The following GRHL2 variants were observed in gnomAD, a reference collection of about 807,000 sequenced individuals.
GRHL2 encodes the protein grainyhead like transcription factor 2, also known as grainyhead-like protein 2 homolog.
Under a neutral mutation model 83.8 loss-of-function variants are expected in GRHL2, and 21 were observed. That is an observed-to-expected ratio of 0.25 (90% confidence interval 0.18 to 0.36). The LOEUF (loss-of-function observed/expected upper bound fraction) is 0.36. Ranked by LOEUF, GRHL2 falls within the 10% of genes least tolerant of loss-of-function variation. GRHL2 has a pLI of 1.00. For missense variants in GRHL2, 623 were observed against 781.8 expected, an observed-to-expected ratio of 0.80 and a Z score of 2.42; for synonymous variants, 280 against 278.9, an observed-to-expected ratio of 1.00 and a Z score of -0.04.
intron 1 of GRHL2, among the ~76,000 whole-genome samples, chr8:101,493,165 G>A (rs1040448027): frequency 6.6e-6 from 1 of 152,168 alleles, no homozygotes; most frequent in African/African-American, 2.4e-5. Context: ...CCGATCTGGC[G>A]TTTAGGGCCA....
chr8:101,528,892 C>A (rs531340417), intron 1 of GRHL2: 2 of 326,892 alleles, frequency 6.1e-6, no homozygotes, highest in Non-Finnish European at 6.0e-6. Context: ...AGATGACAGA[C>A]CTTTTGTTGA....
chr8:101,615,522 A>G (rs1277558150), intron 8 of GRHL2, among the ~76,000 whole-genome samples: 4 of 152,172 alleles, frequency 2.6e-5, no homozygotes, highest in Non-Finnish European at 5.9e-5. Flanking sequence ...AGTCTGCGTT[A>G]AGACTCCTGT....
At chr8:101,655,167 A>G (rs1813758339) in intron 14 of GRHL2, among the ~76,000 whole-genome samples, 1 of 141,680 alleles carries the variant, frequency 7.1e-6, no homozygotes, top group South Asian at 2.3e-4. Flanking sequence ...GGGCAACAAG[A>G]GCGAAACTCC....
intron 7 of GRHL2, among the ~76,000 whole-genome samples, chr8:101,590,265 T>A (rs931109729): frequency 6.6e-6 from 1 of 152,158 alleles, no homozygotes; most frequent in African/African-American, 2.4e-5. Context: ...CATAAGTGAG[T>A]TCTTGTGAGT....
At chr8:101,579,659 A>G (rs1046042679) in intron 7 of GRHL2, among the ~76,000 whole-genome samples, 3 of 152,254 alleles carry the variant, frequency 2.0e-5, no homozygotes, top group Non-Finnish European at 4.4e-5. Flanking sequence ...AAAATCTCAT[A>G]CAATTCATTC....
intron 8 of GRHL2, among the ~76,000 whole-genome samples, chr8:101,614,647 A>G (rs1213843306): frequency 6.6e-6 from 1 of 152,158 alleles, no homozygotes; most frequent in Non-Finnish European, 1.5e-5. Context: ...ATTTACAAAC[A>G]AGTGCTTTGT....
At chr8:101,606,651 G>A (rs1812639751) in intron 8 of GRHL2, among the ~76,000 whole-genome samples, 1 of 152,222 alleles carries the variant, frequency 6.6e-6, no homozygotes, top group African/African-American at 2.4e-5. Flanking sequence ...CCTGGGTCAT[G>A]GTGACTGCAG....
At chr8:101,673,353 G>A (rs1247917853), downstream of GRHL2, among the ~76,000 whole-genome samples, 2 of 151,990 alleles carry the variant, frequency 1.3e-5, no homozygotes, top group East Asian at 3.9e-4. Flanking sequence ...AGGGATGGAG[G>A]AAGATCTACC....
intron 2 of GRHL2, among the ~76,000 whole-genome samples, chr8:101,551,270 A>T (rs1192597536): frequency 6.6e-6 from 1 of 152,232 alleles, no homozygotes; most frequent in Admixed American, 6.5e-5. Context: ...GTGCTTAGAA[A>T]ATTAAATTAA....
Position 101,649,432 on chromosome 8 carries a change from A to G in GRHL2, c.1631A>G (p.Lys544Arg), listed in dbSNP as rs766851451. ...GTKRVLLYVR[K>R]ETDDVFDALM... ...CTTCCAGTGCTCTTGTACGTGAGGA[A>G]GGAGACTGACGATGTGTTCGATGCA... is the stretch of plus-strand genomic sequence containing the variant. Residue 544 changes from lysine (K) to arginine (R), a missense_variant, in exon 14 of 16, where the codon AAG becomes AGG. By Grantham distance (26) the Lys-to-Arg change is conservative. Transcript: ENST00000646743. 3.1e-6 allele frequency: 5 copies of G among 1,613,978 alleles called. No homozygotes were observed. Among genetic ancestry groups the G allele is most frequent in the East Asian group, 4.5e-5 (2 of 44,890 alleles).
chr8:101,679,645 G>A, the GRHL2 span, among the ~76,000 whole-genome samples: 2 of 151,516 alleles, frequency 1.3e-5, no homozygotes, highest in Admixed American at 1.3e-4. Context: ...AAGTTGAAAT[G>A]AAGGAAAAAA....
At chr8:101,635,949 C>T (rs1003631595) in intron 11 of GRHL2, among the ~76,000 whole-genome samples, 1 of 152,168 alleles carries the variant, frequency 6.6e-6, no homozygotes, top group Non-Finnish European at 1.5e-5. Flanking sequence ...TATCTAGACA[C>T]AGCTGTTTCT....
chr8:101,635,038 G>T (rs1399221722), intron 11 of GRHL2, among the ~76,000 whole-genome samples: 1 of 152,084 alleles, frequency 6.6e-6, no homozygotes, highest in African/African-American at 2.4e-5. Flanking sequence ...TGTCTACTTT[G>T]CAGGCATTAG....
At chr8:101,635,618 T>C (rs1261125780) in intron 11 of GRHL2, among the ~76,000 whole-genome samples, 1 of 152,226 alleles carries the variant, frequency 6.6e-6, no homozygotes, top group African/African-American at 2.4e-5. Flanking sequence ...TTAGGTGGGT[T>C]ACTCTATATT....
intron 14 of GRHL2, among the ~76,000 whole-genome samples, chr8:101,654,949 G>GCCCTC (rs1273412250): frequency 6.6e-6 from 1 of 152,178 alleles, no homozygotes; most frequent in Non-Finnish European, 1.5e-5. Context: ...TTGGGAGGTT[G>GCCCTC]AGGCGGGCAG....
chr8:101,671,942 AG>A (rs1253932013), downstream of GRHL2, among the ~76,000 whole-genome samples: 4 of 152,176 alleles, frequency 2.6e-5, no homozygotes, highest in African/African-American at 9.7e-5. Flanking sequence ...CCAGGCAAAC[AG>A]GGTCTGGAGT....
At chr8:101,612,209 C>T (rs1489787614) in intron 8 of GRHL2, among the ~76,000 whole-genome samples, 1 of 150,954 alleles carries the variant, frequency 6.6e-6, no homozygotes, top group East Asian at 1.9e-4. Context: ...AGGTTAGTCT[C>T]GAACTCCTGA....
At position 101,629,540 on chromosome 8, in the gene GRHL2, G is replaced by T. The variant is rs75948897; in HGVS notation, c.1258-2097G>T. ...TAAATCTTGAAACAGATTAATTCTT[G>T]TCCCTTTCCTCATAAATAGTACAAA... On this transcript the variant is annotated intron_variant, in intron 9 of 15. Transcript: ENST00000646743. Among the ~76,000 whole-genome samples, 814 of 152,032 alleles carry T rather than the reference G, an allele frequency of 5.4e-3. 3 individuals carry two copies. The highest frequency in any genetic ancestry group is 0.019 in the African/African-American group (782 of 41,456).
chr8:101,595,959 A>C (rs1459034927), intron 7 of GRHL2, among the ~76,000 whole-genome samples: 5 of 151,946 alleles, frequency 3.3e-5, no homozygotes, highest in Non-Finnish European at 5.9e-5. Context: ...TCTCTACTAA[A>C]AATACAAAAA....
Sources: gnomAD v4.1 joint callset for allele counts (sites outside exome capture counted in the v4.1 genomes callset) on GRCh38, gnomAD v4.1.1 for gene constraint, MANE v1.5 for transcripts, NCBI Gene and HGNC (gene_info 2026-07-23, HGNC 2026-07-21) for gene names.